The following DLC1 variants were observed in gnomAD, a reference collection of about 807,000 sequenced individuals.
DLC1 encodes rho GTPase-activating protein 7.
A neutral mutation model predicts 140.3 loss-of-function variants in DLC1; 54 were observed. The ratio of observed to expected loss-of-function variants is 0.38; its 90% CI spans 0.31 to 0.48. The LOEUF is 0.48. Among genes scored for constraint, DLC1 ranks in the 20% least tolerant of loss-of-function variants. DLC1 has a pLI of 0.96. For synonymous variants in DLC1, 986 were observed against 728.1 expected (o/e 1.35, Z -5.70); for missense variants, 2,536 against 1,907.0 (o/e 1.33, Z -6.14).
intron 5 of DLC1, among the ~76,000 whole-genome samples, chr8:13,151,592 C>T (rs1283971293): frequency 6.6e-6 from 1 of 152,172 alleles, no homozygotes; most frequent in African/African-American, 2.4e-5. Context: ...TGTAGCTTTG[C>T]ATATCAACGG....
At chr8:13,266,283 T>C (rs1333964712) in intron 5 of DLC1, among the ~76,000 whole-genome samples, 1 of 152,192 alleles carries the variant, frequency 6.6e-6, no homozygotes, top group East Asian at 1.9e-4. Context: ...GCATTCTGGG[T>C]TGTGATGTTA....
At chr8:13,562,138 A>T (rs1283067631) in intron 1 of DLC1, among the ~76,000 whole-genome samples, 2 of 152,132 alleles carry the variant, frequency 1.3e-5, no homozygotes, top group African/African-American at 4.8e-5. Context: ...TAAAAGAAGT[A>T]ATCGGGTCAA....
intron 5 of DLC1, among the ~76,000 whole-genome samples, chr8:13,126,297 C>T (rs1821556931): frequency 6.6e-6 from 1 of 151,968 alleles, no homozygotes; most frequent in African/African-American, 2.4e-5. Context: ...TCACATCTTT[C>T]TGTTTCATTT....
chr8:13,378,821 C>T (rs567466304), intron 4 of DLC1, among the ~76,000 whole-genome samples: 1 of 152,172 alleles, frequency 6.6e-6, no homozygotes, highest in Admixed American at 6.5e-5. Context: ...AGTAATGTCC[C>T]TTCCAATTCA....
At chr8:13,507,667 G>C (rs1802158599) in intron 1 of DLC1, among the ~76,000 whole-genome samples, 2 of 152,172 alleles carry the variant, frequency 1.3e-5, no homozygotes, top group South Asian at 2.1e-4. Flanking sequence ...TTACATGTTA[G>C]TGGAAAACAT....
At chr8:13,577,728 T>C (rs1402089675) in intron 1 of DLC1, among the ~76,000 whole-genome samples, 1 of 152,232 alleles carries the variant, frequency 6.6e-6, no homozygotes, top group Admixed American at 6.5e-5. Flanking sequence ...TCCTCCTTGG[T>C]ATCTAGGATT....
Position 13,499,095 on chromosome 8 carries a change from G to T in DLC1, c.977C>A (p.Ala326Asp), listed in dbSNP as rs774038113. The change falls in exon 2 of 18, where the codon GCC becomes GAC. Residue 326 changes from alanine (A) to aspartate (D), a missense_variant. By Grantham distance (126) the Ala-to-Asp change is moderately radical. Coordinates refer to ENST00000276297, the MANE Select transcript of DLC1 (RefSeq NM_182643.3). ...TTGGTTATCTGTGGGTTCCTGGGTG[G>T]CCAGGGTCTCCTTTAATTGTAAACA... is the stretch of plus-strand genomic sequence containing the variant. ...MQCLQLKETL[A>D]TQEPTDNQVR... 2 of 1,613,808 alleles carry T rather than the reference G, an allele frequency of 1.2e-6. No homozygotes were observed. The highest frequency in any genetic ancestry group is 8.5e-7 in the Non-Finnish European group (1 of 1,179,944).
At chr8:13,595,030 A>T (rs752821091) in intron 1 of DLC1, among the ~76,000 whole-genome samples, 7 of 151,982 alleles carry the variant, frequency 4.6e-5, no homozygotes, top group Non-Finnish European at 8.8e-5. Flanking sequence ...GAAAAAAAAA[A>T]GTGGACTAGC....
intron 4 of DLC1, among the ~76,000 whole-genome samples, chr8:13,358,004 A>G (rs1371482365): frequency 6.6e-6 from 1 of 152,218 alleles, no homozygotes; most frequent in African/African-American, 2.4e-5. Context: ...TTTAAATTTT[A>G]AATTGATAGA....
At chr8:13,414,493 A>G (rs1391848214) in intron 2 of DLC1, among the ~76,000 whole-genome samples, 1 of 152,186 alleles carries the variant, frequency 6.6e-6, no homozygotes, top group Non-Finnish European at 1.5e-5. Flanking sequence ...TCGGGATTGC[A>G]GTTTTCTTCT....
Position 13,452,137 on chromosome 8 carries a change from T to C in DLC1, c.1023+46912A>G, listed in dbSNP as rs565584163. On this transcript the variant is annotated intron_variant, in intron 2 of 17. Coordinates refer to ENST00000276297, the MANE Select transcript of DLC1 (RefSeq NM_182643.3). ...AAAGATGCAATAAAACTAGCAACAT[T>C]TGAAGAGTTATCTAATGAAAAATAT... is the stretch of plus-strand genomic sequence containing the variant. Among the ~76,000 whole-genome samples the C allele has an allele frequency of 2.3e-3, 352 of 151,832 alleles. 3 individuals carry two copies. The highest frequency in any genetic ancestry group is 0.014 in the Middle Eastern group (4 of 292).
At position 13,393,607 on chromosome 8, in the gene DLC1, C is replaced by T. The variant is rs563854290; in HGVS notation, c.1260G>A (p.Thr420=). 1.1e-5 allele frequency: 18 copies of T among 1,614,044 alleles called. No individual in the cohort carries two copies. The highest frequency in any genetic ancestry group is 2.7e-5 in the African/African-American group (2 of 74,990). Residue 420 remains threonine (T), a synonymous_variant, in exon 4 of 18, where the codon ACG becomes ACA. Transcript: ENST00000276297. The part of the protein sequence containing the change: ...RVNLSSDTES[T]DLPSSTPVAN... Reference sequence around the variant, plus strand: ...CTACTGGAGTGGAAGATGGGAGGTCCGTGGACTCAGTGTCAGAAGACAAAT... The same window carrying T: ...CTACTGGAGTGGAAGATGGGAGGTCTGTGGACTCAGTGTCAGAAGACAAAT...
chr8:13,358,147 A>C (rs2117061874), intron 4 of DLC1, among the ~76,000 whole-genome samples: 1 of 152,318 alleles, frequency 6.6e-6, no homozygotes, highest in African/African-American at 2.4e-5. Flanking sequence ...ATTCACCGTA[A>C]GTTTTTCTGG....
intron 1 of DLC1, among the ~76,000 whole-genome samples, chr8:13,503,423 ATG>A (rs1158780913): frequency 2.0e-5 from 3 of 152,158 alleles, no homozygotes; most frequent in Non-Finnish European, 4.4e-5. Context: ...AACAAATTAA[ATG>A]TTACCGTATT....
chr8:13,100,746 G>A lies in DLC1; in HGVS notation c.1591C>T (p.Pro531Ser), dbSNP rs765547395. The change falls in exon 9 of 18, where the codon CCT becomes TCT. Residue 531 changes from proline (P) to serine (S), a missense_variant. By Grantham distance (74) the Pro-to-Ser change is moderately conservative. Coordinates refer to ENST00000276297, the MANE Select transcript of DLC1 (RefSeq NM_182643.3). Reference sequence around the variant, plus strand: ...GTCCATTTGCCACTGATGGCACAAGGCTCATCCTCGTCTGAATCGTCACTC... The same window carrying A: ...GTCCATTTGCCACTGATGGCACAAGACTCATCCTCGTCTGAATCGTCACTC... Reference protein sequence around the residue: ...KRSDDSDEDEPCAISGKWTFQ... With the variant: ...KRSDDSDEDESCAISGKWTFQ... The A allele has an allele frequency of 2.9e-5, 46 of 1,582,882 alleles. No homozygotes were observed. Among genetic ancestry groups the A allele is most frequent in the Non-Finnish European group, 3.9e-5 (46 of 1,165,664 alleles).
At chr8:13,113,557 C>G (rs1336567374) in intron 6 of DLC1, among the ~76,000 whole-genome samples, 2 of 152,176 alleles carry the variant, frequency 1.3e-5, no homozygotes, top group African/African-American at 2.4e-5. Flanking sequence ...GGCAGCAAAT[C>G]AATGCCAAAA....
intron 5 of DLC1, among the ~76,000 whole-genome samples, chr8:13,235,929 A>T (rs1829255779): frequency 6.6e-6 from 1 of 152,028 alleles, no homozygotes; most frequent in South Asian, 2.1e-4. Flanking sequence ...GCTACTTATT[A>T]TATAAAACAC....
At chr8:13,466,664 C>A (rs185778097) in intron 2 of DLC1, among the ~76,000 whole-genome samples, 1 of 152,210 alleles carries the variant, frequency 6.6e-6, no homozygotes, top group East Asian at 1.9e-4. Flanking sequence ...GAGTTTATTG[C>A]CACTGTACTA....
At chr8:13,360,665 G>C (rs1017723638) in intron 4 of DLC1, among the ~76,000 whole-genome samples, 2 of 150,810 alleles carry the variant, frequency 1.3e-5, no homozygotes, top group African/African-American at 4.9e-5. Context: ...TGGTTGCATA[G>C]TGTGATTTTT....
Sources: gnomAD v4.1 joint callset for allele counts (sites outside exome capture counted in the v4.1 genomes callset) on GRCh38, gnomAD v4.1.1 for gene constraint, MANE v1.5 for transcripts, NCBI Gene and HGNC (gene_info 2026-07-23, HGNC 2026-07-21) for gene names.